The following C7 variants were observed in gnomAD, a reference collection of about 807,000 sequenced individuals.
C7 encodes complement component C7.
Under a neutral mutation model 104.8 loss-of-function variants are expected in C7, and 83 were observed. The observed-to-expected ratio is 0.79, with a 90% CI of 0.66 to 0.95. The LOEUF (loss-of-function observed/expected upper bound fraction) is 0.95. Among genes scored for constraint, C7 ranks in the 40% least tolerant of loss-of-function variants. The probability of loss-of-function intolerance (pLI) is 0.00; values close to 1 mark genes in which losing one functional copy is unlikely to be tolerated. For synonymous variants in C7, 415 were observed against 360.6 expected, an observed-to-expected ratio of 1.15 and a Z score of -1.71; for missense variants, 1,070 against 1,011.2, an observed-to-expected ratio of 1.06 and a Z score of -0.79.
At chr5:40,954,877 CAAAAA>C (rs35360366) in intron 9 of C7, 179 of 54,576 alleles carry the variant, frequency 3.3e-3, no homozygotes, top group South Asian at 6.3e-3. Flanking sequence ...AATACTGTCT[CAAAAA>C]AAAAAAAAAA....
intron 1 of C7, among the ~76,000 whole-genome samples, chr5:40,922,044 A>G (rs1342555877): frequency 1.4e-5 from 2 of 145,320 alleles, no homozygotes; most frequent in African/African-American, 5.5e-5. Context: ...TCTCAAAAAC[A>G]AACAAACAAA....
chr5:40,909,716 T>A, intron 1 of C7, 100 bp downstream of exon 1: 1 of 744,724 alleles, frequency 1.3e-6, no homozygotes, highest in Non-Finnish European at 2.0e-6. Context: ...AATACCTAAC[T>A]GAAAGACATC....
At position 40,979,745 on chromosome 5, in the gene C7, C is replaced by A. The variant is rs1478354270; in HGVS notation, c.2186C>A (p.Ala729Asp). The A allele has an allele frequency of 6.2e-7, 1 of 1,612,772 alleles. No homozygotes were observed. The highest frequency in any genetic ancestry group is 2.2e-5 in the East Asian group (1 of 44,852). The change falls in exon 17 of 18, where the codon GCT (alanine) becomes GAT (aspartate). Residue 729 changes from alanine (A) to aspartate (D), a missense_variant. Physicochemically the swap from Ala to Asp is moderately radical, Grantham distance 126. Coordinates refer to ENST00000313164, the MANE Select transcript of C7 (RefSeq NM_000587.4). ...YECGPSLDVC[A>D]QDERSKRILP... is the part of the protein sequence containing the mutation. Reference sequence around the variant, plus strand: ...TTCAGACCTTCCTTGGATGTATGTGCTCAAGATGAGAGAAGCAAAAGGATA... The same window carrying A: ...TTCAGACCTTCCTTGGATGTATGTGATCAAGATGAGAGAAGCAAAAGGATA...
At chr5:40,973,760 A>C (rs143684088) in intron 15 of C7, among the ~76,000 whole-genome samples, 4 of 152,272 alleles carry the variant, frequency 2.6e-5, no homozygotes, top group African/African-American at 9.6e-5. Flanking sequence ...AACAATATAC[A>C]GTTGATGAGG....
At chr5:40,971,891 A>G (rs914506027) in intron 14 of C7, 15 of 332,450 alleles carry the variant, frequency 4.5e-5, no homozygotes, top group South Asian at 3.0e-4. Context: ...AGGCTGTAGT[A>G]TACACTGATT....
intron 15 of C7, among the ~76,000 whole-genome samples, chr5:40,973,630 T>C (rs751516583): frequency 2.6e-5 from 4 of 152,244 alleles, no homozygotes; most frequent in Non-Finnish European, 5.9e-5. Context: ...TGTTAAGTTA[T>C]CAAAGCTCCA....
At chr5:40,979,622 T>A in intron 16 of C7, 103 bp from the exon 17 acceptor site, 4 of 736,684 alleles carry the variant, frequency 5.4e-6, no homozygotes, top group African/African-American at 1.8e-5. Context: ...CTGTGGGTGA[T>A]AACATCTGGG....
At chr5:40,966,923 T>C (rs1740567601) in intron 14 of C7, among the ~76,000 whole-genome samples, 1 of 152,156 alleles carries the variant, frequency 6.6e-6, no homozygotes, top group South Asian at 2.1e-4. Flanking sequence ...AGAATATGAA[T>C]ATGAATATTT....
chr5:40,979,560 G>T (rs6860438), intron 16 of C7, among the ~76,000 whole-genome samples, 165 bp from the exon 17 acceptor site: 63,359 of 151,346 alleles, frequency 0.42, 13,228 homozygotes, highest in South Asian at 0.51. Context: ...ACCTAAGTGA[G>T]TTGGACCTAG....
chr5:40,942,385 C>G (rs1230644799), intron 6 of C7, among the ~76,000 whole-genome samples: 2 of 151,812 alleles, frequency 1.3e-5, no homozygotes, highest in East Asian at 1.9e-4. Context: ...AGAGAGAATG[C>G]AATACAGAGA....
intron 8 of C7, among the ~76,000 whole-genome samples, chr5:40,948,985 G>A (rs1417626658): frequency 6.6e-6 from 1 of 151,726 alleles, no homozygotes; most frequent in Admixed American, 6.6e-5. Flanking sequence ...AATCTTATAG[G>A]TTAGAAATGA....
At position 40,964,855 on chromosome 5, in the gene C7, G is replaced by A; in HGVS notation, c.1864G>A (p.Gly622Arg). 2 of 1,613,666 alleles carry A rather than the reference G, an allele frequency of 1.2e-6. No individual in the cohort carries two copies. Among genetic ancestry groups the A allele is most frequent in the East Asian group, 2.2e-5 (1 of 44,866 alleles). ...TGGAGAAGATTTACGGTGGCTTGTT[G>A]GGGAAATGCATTGTCAGAGTGAGTG... ...RCGEDLRWLV[G>R]EMHCQKIACV... is the part of the protein sequence containing the mutation. The change falls in exon 14 of 18, where the codon GGG (glycine) becomes AGG (arginine). Residue 622 changes from glycine to arginine, a missense_variant. Coordinates refer to ENST00000313164, the MANE Select transcript of C7 (RefSeq NM_000587.4).
At chr5:40,964,709 T>C in intron 13 of C7, 32 bp from the exon 14 acceptor site, 1 of 1,600,944 alleles carries the variant, frequency 6.2e-7, no homozygotes, top group South Asian at 1.1e-5. Flanking sequence ...ATAGACAAAC[T>C]CTTTCCTTTT....
chr5:40,963,754 C>A (rs1418598556), intron 13 of C7, among the ~76,000 whole-genome samples: 1 of 152,138 alleles, frequency 6.6e-6, no homozygotes, highest in Non-Finnish European at 1.5e-5. Context: ...TCAAATTCCA[C>A]CTTGCTTCGC....
intron 14 of C7, among the ~76,000 whole-genome samples, chr5:40,968,586 ATATATATATATATATTTTTTT>A (rs1740615115): frequency 2.9e-4 from 22 of 76,434 alleles, no homozygotes; most frequent in African/African-American, 1.1e-3. Context: ...ATATATATAT[ATATATATATATATATTTTTTT>A]TTTTTTTTTT....
At chr5:40,955,726 A>T (rs59677846) in intron 10 of C7, among the ~76,000 whole-genome samples, 173 bp downstream of exon 10, 2,026 of 152,292 alleles carry the variant, frequency 0.013, 51 homozygotes, top group African/African-American at 0.047. Context: ...AAGAAACAGA[A>T]GGTGTGTTAT....
chr5:40,957,810 TA>T (rs1740327280), intron 10 of C7, among the ~76,000 whole-genome samples: 1 of 151,270 alleles, frequency 6.6e-6, no homozygotes, highest in Non-Finnish European at 1.5e-5. Context: ...AGAAGATATA[TA>T]AAAAATTCCT....
At chr5:40,947,980 C>A in intron 8 of C7, 135 bp downstream of exon 8, 1 of 936,892 alleles carries the variant, frequency 1.1e-6, no homozygotes, top group Admixed American at 2.4e-5. Context: ...TCTAAAATTG[C>A]AAGAATGTAT....
intron 1 of C7, among the ~76,000 whole-genome samples, chr5:40,924,150 G>T (rs567838547): frequency 4.0e-4 from 61 of 152,192 alleles, no homozygotes; most frequent in Non-Finnish European, 7.2e-4. Context: ...TTACTTCCAA[G>T]ATAGAATTGG....
Sources: allele counts gnomAD v4.1 joint callset (sites outside exome capture counted in the v4.1 genomes callset), GRCh38; gene constraint gnomAD v4.1.1; transcripts MANE v1.5; gene names NCBI Gene and HGNC (gene_info 2026-07-23, HGNC 2026-07-21).